The following USP34 variants were observed in gnomAD, a reference collection of about 807,000 sequenced individuals.
USP34 encodes ubiquitin specific peptidase 34, also known as ubiquitin carboxyl-terminal hydrolase 34.
In USP34, 70 loss-of-function variants were observed where a neutral mutation model predicts 460.3. That is an observed-to-expected ratio of 0.15 (90% CI 0.13 to 0.19). The LOEUF (loss-of-function observed/expected upper bound fraction) is 0.19. Among genes scored for constraint, USP34 ranks in the 10% least tolerant of loss-of-function variants. USP34 has a pLI of 1.00. For missense variants in USP34, 3,985 were observed against 4,236.2 expected, an observed-to-expected ratio of 0.94 and a Z score of 1.65; for synonymous variants, 1,647 against 1,405.3, an observed-to-expected ratio of 1.17 and a Z score of -3.85.
intron 48 of USP34, among the ~76,000 whole-genome samples, chr2:61,252,993 A>G (rs553837094): frequency 1.8e-4 from 27 of 152,346 alleles, no homozygotes; most frequent in Admixed American, 1.6e-3. Flanking sequence ...TGTCAGTAGC[A>G]TATTAGTAAA....
intron 10 of USP34, among the ~76,000 whole-genome samples, chr2:61,353,139 G>C (rs967363806): frequency 1.3e-5 from 2 of 152,208 alleles, no homozygotes; most frequent in Admixed American, 6.5e-5. Context: ...ACAGCTTCTG[G>C]AGACAGGTGG....
At chr2:61,273,032 C>T (rs942362811) in intron 41 of USP34, among the ~76,000 whole-genome samples, 1 of 152,120 alleles carries the variant, frequency 6.6e-6, no homozygotes, top group Non-Finnish European at 1.5e-5. Context: ...TTTCAGATGG[C>T]CTGCAACAAC....
chr2:61,323,457 G>C (rs1158896100), intron 21 of USP34, among the ~76,000 whole-genome samples: 3 of 151,150 alleles, frequency 2.0e-5, no homozygotes, highest in African/African-American at 7.3e-5. Context: ...AGAGCTTGCA[G>C]GGAGCCGAGA....
chr2:61,308,040 C>A (rs1256105538), intron 27 of USP34, among the ~76,000 whole-genome samples: 1 of 151,546 alleles, frequency 6.6e-6, no homozygotes, highest in Non-Finnish European at 1.5e-5. Flanking sequence ...CAGAGTGAGA[C>A]CCTGTCTCAA....
At chr2:61,315,031 T>A in intron 23 of USP34, 57 bp from the exon 24 acceptor site, 2 of 1,335,204 alleles carry the variant, frequency 1.5e-6, no homozygotes, top group Non-Finnish European at 2.1e-6. Context: ...TGTAACTCAT[T>A]AAGACTGAAG....
At chr2:61,406,942 G>A (rs542435311) in intron 2 of USP34, among the ~76,000 whole-genome samples, 3 of 152,098 alleles carry the variant, frequency 2.0e-5, no homozygotes, top group South Asian at 4.1e-4. Context: ...CCCGGGAGGC[G>A]GAGGCTGTAG....
intron 38 of USP34, 70 bp from the exon 39 acceptor site, chr2:61,280,418 C>A: frequency 1.4e-6 from 1 of 731,850 alleles, no homozygotes; most frequent in Non-Finnish European, 2.0e-6. Context: ...ATTTAAGAAA[C>A]TAGAGGCTTT....
At chr2:61,353,594 G>T (rs776494847) in intron 10 of USP34, among the ~76,000 whole-genome samples, 26 of 150,506 alleles carry the variant, frequency 1.7e-4, no homozygotes, top group Middle Eastern at 3.2e-3. Context: ...GTTTAGTTGG[G>T]TTTTTTTTGT....
intron 1 of USP34, among the ~76,000 whole-genome samples, chr2:61,436,237 A>C (rs1186700): frequency 0.65 from 99,112 of 151,590 alleles, 32,512 homozygotes; most frequent in African/African-American, 0.72. Context: ...ATTTGAGGCA[A>C]AAGAATCGCT....
chr2:61,285,310 A>T (rs1237118964), intron 34 of USP34, among the ~76,000 whole-genome samples: 1 of 151,882 alleles, frequency 6.6e-6, no homozygotes, highest in African/African-American at 2.4e-5. Flanking sequence ...CAATGTGGTA[A>T]AACTCTGTTT....
chr2:61,256,811 A>G, intron 47 of USP34, 62 bp downstream of exon 47: 1 of 1,296,698 alleles, frequency 7.7e-7, no homozygotes, highest in Non-Finnish European at 1.1e-6. Flanking sequence ...GACCAACACA[A>G]ACCCGCTATA....
chr2:61,339,625 C>A lies in USP34; in HGVS notation c.2557G>T (p.Asp853Tyr). 6.3e-7 allele frequency: 1 copy of A among 1,581,014 alleles called. No homozygotes were observed. The highest frequency in any genetic ancestry group is 8.5e-7 in the Non-Finnish European group (1 of 1,169,596). Residue 853 changes from aspartate (D) to tyrosine (Y), a missense_variant, in exon 17 of 80, where the codon GAT (aspartate) becomes TAT (tyrosine). By Grantham distance (160) the Asp-to-Tyr change is radical. Around this residue, in one of 14 missense-constraint regions of USP34, gnomAD observed 716 missense variants for 626.2 expected, o/e 1.14. Transcript: ENST00000398571. ...NSNAVTDINL[D>Y]NVCKKGNTLL... ...GTATTTCCTTTCTTGCAAACATTAT[C>A]CAAATTAATGTCTGTAACAGCATTA...
chr2:61,416,114 T>C (rs961532457), intron 2 of USP34, among the ~76,000 whole-genome samples: 6 of 152,210 alleles, frequency 3.9e-5, no homozygotes, highest in African/African-American at 1.2e-4. Flanking sequence ...TCACCAAAAA[T>C]TGTTTTATGT....
At chr2:61,305,720 A>T (rs930453435) in intron 27 of USP34, among the ~76,000 whole-genome samples, 4 of 152,200 alleles carry the variant, frequency 2.6e-5, no homozygotes, top group African/African-American at 9.7e-5. Flanking sequence ...ACAGAAAGAA[A>T]GGCAGACTCA....
At chr2:61,341,951 C>A (rs190842363) in intron 16 of USP34, among the ~76,000 whole-genome samples, 1 of 151,488 alleles carries the variant, frequency 6.6e-6, no homozygotes, top group Admixed American at 6.6e-5. Flanking sequence ...TTAGTACCAA[C>A]GGGGTTTCAC....
chr2:61,271,751 T>C (rs539760432), intron 41 of USP34, among the ~76,000 whole-genome samples: 2 of 152,326 alleles, frequency 1.3e-5, no homozygotes, highest in African/African-American at 2.4e-5. Context: ...GTGTTGCTGA[T>C]GACAGATTAT....
Position 61,295,256 on chromosome 2 carries a change from T to G in USP34, c.4289A>C (p.Lys1430Thr). 1 of 1,608,016 alleles carries G rather than the reference T, an allele frequency of 6.2e-7. No homozygotes were observed. The highest frequency in any genetic ancestry group is 1.3e-5 in the African/African-American group (1 of 74,828). The stretch of plus-strand genomic sequence containing the variant: ...CAATAGCTTGTGGGCGCTCTTAATT[T>G]TGAGAAGTTCTTTCCAATTAAATCC... ...NDGFNWKELLKIKSAHKLLYA... is the reference protein window; with the variant it reads ...NDGFNWKELLTIKSAHKLLYA... Residue 1430 changes from lysine (K) to threonine (T), a missense_variant, in exon 31 of 80, where the codon AAA (lysine) becomes ACA (threonine). This residue lies in a region of USP34 where 1,114 missense variants were observed against 1,122.5 expected (regional missense o/e 0.99). Transcript: ENST00000398571.
intron 5 of USP34, among the ~76,000 whole-genome samples, chr2:61,384,545 T>C (rs1299209570): frequency 1.3e-5 from 2 of 151,972 alleles, no homozygotes; most frequent in Non-Finnish European, 2.9e-5. Flanking sequence ...TGGTGTCACA[T>C]GTCTGCAGTC....
chr2:61,265,362 T>C, intron 43 of USP34, 35 bp downstream of exon 43: 1 of 1,576,912 alleles, frequency 6.3e-7, no homozygotes, highest in South Asian at 1.2e-5. Context: ...AAATCTGGTT[T>C]ATAATTTTGA....
Sources: allele counts gnomAD v4.1 joint callset (sites outside exome capture counted in the v4.1 genomes callset), GRCh38; gene constraint gnomAD v4.1.1; regional missense constraint gnomAD v4.1.1; transcripts MANE v1.5; gene names NCBI Gene and HGNC (gene_info 2026-07-23, HGNC 2026-07-21).